PACRG: variants seen among roughly 807,000 people sequenced by gnomAD.
PACRG encodes the protein parkin coregulated, also known as parkin coregulated gene protein.
PACRG carries 29 observed loss-of-function variants against 29.7 expected under a neutral mutation model. The ratio of observed to expected loss-of-function variants is 0.98; its 90% CI spans 0.73 to 1.33. The LOEUF (loss-of-function observed/expected upper bound fraction) is 1.33, where lower values mean the gene tolerates loss of function less well. PACRG is among the 40% of genes most tolerant of loss of function. PACRG has a pLI of 0.00. For missense variants in PACRG, 279 were observed against 316.2 expected (o/e 0.88, Z 0.89); for synonymous variants, 116 against 118.7 (o/e 0.98, Z 0.15).
chr6:163,064,361 C>T (rs77602092), intron 3 of PACRG, among the ~76,000 whole-genome samples: 11 of 152,318 alleles, frequency 7.2e-5, no homozygotes, highest in African/African-American at 2.4e-4. Context: ...TAGAGGTCAT[C>T]TGCCGATGAG....
chr6:163,063,714 A>G (rs1218873550), intron 3 of PACRG, among the ~76,000 whole-genome samples: 1 of 152,050 alleles, frequency 6.6e-6, no homozygotes, highest in Non-Finnish European at 1.5e-5. Flanking sequence ...TTCCACCATG[A>G]CAGACAGTGA....
chr6:162,969,020 C>A (rs1801296097), intron 2 of PACRG, among the ~76,000 whole-genome samples: 2 of 115,958 alleles, frequency 1.7e-5, no homozygotes, highest in South Asian at 6.0e-4. Flanking sequence ...GCCCTCCAGC[C>A]TGGGGAACAG....
chr6:163,084,036 C>A (rs1231777453), intron 3 of PACRG, among the ~76,000 whole-genome samples: 1 of 152,156 alleles, frequency 6.6e-6, no homozygotes, highest in Non-Finnish European at 1.5e-5. Context: ...TCAGCAATTT[C>A]TCTATATCTG....
At chr6:162,829,462 A>C (rs1458389710) in intron 2 of PACRG, among the ~76,000 whole-genome samples, 1 of 152,248 alleles carries the variant, frequency 6.6e-6, no homozygotes, top group Non-Finnish European at 1.5e-5. Context: ...TCTTTCATCC[A>C]TCACACATTT....
chr6:163,270,537 A>AT (rs11331698), intron 4 of PACRG, among the ~76,000 whole-genome samples: 5 of 150,134 alleles, frequency 3.3e-5, no homozygotes, highest in South Asian at 2.1e-4. Context: ...TGCCTGACTA[A>AT]TTTTTTTTTT....
rs190975887 is a variant in PACRG, at chr6:163,019,271, A to C, written c.292-42879A>C. Among the ~76,000 whole-genome samples the C allele has an allele frequency of 1.2e-4, 18 of 152,296 alleles. No individual in the cohort carries two copies. The East Asian group carries it at 3.5e-3, about 29-fold the overall frequency. On this transcript the variant is annotated intron_variant, in intron 2 of 4. Coordinates refer to ENST00000366888, the MANE Select transcript of PACRG (RefSeq NM_001080379.2). ...TTTAGAAGGGAGGATTGGTCAAGAT[A>C]ACTTTTCTGGTTCACAGCTCCAGAG...
chr6:163,261,712 G>C (rs544679680), intron 4 of PACRG, among the ~76,000 whole-genome samples: 1 of 152,292 alleles, frequency 6.6e-6, no homozygotes, highest in South Asian at 2.1e-4. Context: ...TGCCTGTACT[G>C]AACATATACA....
At chr6:162,787,600 A>G (rs1259732546) in intron 1 of PACRG, among the ~76,000 whole-genome samples, 7 of 137,550 alleles carry the variant, frequency 5.1e-5, no homozygotes, top group Admixed American at 1.5e-4. Flanking sequence ...ATATATATAT[A>G]TATATATATA....
At chr6:163,064,313 C>T (rs189899325) in intron 3 of PACRG, among the ~76,000 whole-genome samples, 78 of 152,144 alleles carry the variant, frequency 5.1e-4, no homozygotes, top group African/African-American at 1.9e-3. Context: ...ATGAGTAAAG[C>T]GAGGAGTCAT....
At chr6:162,997,588 A>G (rs1232817643) in intron 2 of PACRG, 44 of 317,602 alleles carry the variant, frequency 1.4e-4, no homozygotes, top group Non-Finnish European at 5.6e-5. Flanking sequence ...AGAGGTGACA[A>G]TTTGACATAG....
intron 2 of PACRG, among the ~76,000 whole-genome samples, chr6:163,045,658 T>A (rs1809272705): frequency 7.0e-6 from 1 of 142,098 alleles, no homozygotes; most frequent in Non-Finnish European, 1.5e-5. Context: ...AGTCTCGCTC[T>A]GTCCCCCAGG....
intron 2 of PACRG, among the ~76,000 whole-genome samples, chr6:162,850,313 T>C (rs1376094359): frequency 5.3e-5 from 8 of 152,212 alleles, no homozygotes; most frequent in South Asian, 2.1e-4. Flanking sequence ...TATAGTGAAA[T>C]ATATAATTGG....
intron 2 of PACRG, among the ~76,000 whole-genome samples, chr6:163,024,737 A>G (rs1185027400): frequency 2.0e-5 from 3 of 152,140 alleles, no homozygotes; most frequent in African/African-American, 7.2e-5. Context: ...CCACCTCAGC[A>G]GTGTCTTATA....
At chr6:163,063,781 CT>C (rs1181288121) in intron 3 of PACRG, among the ~76,000 whole-genome samples, 1 of 152,128 alleles carries the variant, frequency 6.6e-6, no homozygotes, top group African/African-American at 2.4e-5. Context: ...AGAAAAGAGA[CT>C]CTGAAAAGGG....
intron 1 of PACRG, among the ~76,000 whole-genome samples, chr6:162,753,619 G>C (rs1321409050): frequency 2.3e-4 from 35 of 152,090 alleles, no homozygotes; most frequent in Admixed American, 2.3e-3. Flanking sequence ...GAGGAACCTA[G>C]TGGGAGATGA....
intron 4 of PACRG, among the ~76,000 whole-genome samples, chr6:163,300,943 G>A (rs76017293): frequency 0.77 from 69,351 of 89,598 alleles, 25,129 homozygotes; most frequent in African/African-American, 0.88. Context: ...ACTGCTTCCC[G>A]TGAGTTTAGT....
rs1203672379 is a variant in PACRG at position 162,954,591 on chromosome 6, C to T, written c.292-107559C>T. 2.0e-5 allele frequency among the ~76,000 whole-genome samples: 3 copies of T among 152,066 alleles called. No individual in the cohort carries two copies. In the East Asian group the frequency reaches 5.8e-4, roughly 29 times the overall value. On this transcript the variant is annotated intron_variant, in intron 2 of 4. Coordinates refer to ENST00000366888, the MANE Select transcript of PACRG (RefSeq NM_001080379.2). ...TGTCCAGAGCTGCAATTACACTTCCCACTAATTAATTTGGAGTGATTTTTT... is the reference window on the plus strand; with the variant it reads ...TGTCCAGAGCTGCAATTACACTTCCTACTAATTAATTTGGAGTGATTTTTT...
At chr6:163,298,450 T>G (rs936346666) in intron 4 of PACRG, among the ~76,000 whole-genome samples, 1 of 152,240 alleles carries the variant, frequency 6.6e-6, no homozygotes, top group African/African-American at 2.4e-5. Flanking sequence ...CATCATACAC[T>G]GGCCTAACCT....
chr6:162,792,931 G>C (rs892080744), intron 1 of PACRG, among the ~76,000 whole-genome samples: 2 of 152,174 alleles, frequency 1.3e-5, no homozygotes, highest in South Asian at 2.1e-4. Context: ...GGACTAAAGG[G>C]CATGGTGAGT....
Sources: allele counts gnomAD v4.1 joint callset (sites outside exome capture counted in the v4.1 genomes callset), GRCh38; gene constraint gnomAD v4.1.1; transcripts MANE v1.5; gene names NCBI Gene and HGNC (gene_info 2026-07-23, HGNC 2026-07-21).